GRIA1: variants seen among roughly 807,000 people sequenced by gnomAD.
GRIA1 encodes glutamate ionotropic receptor AMPA type subunit 1.
GRIA1 carries 31 observed loss-of-function variants against 99.2 expected under a neutral mutation model. The observed-to-expected ratio is 0.31, with a 90% CI of 0.23 to 0.42. The LOEUF (loss-of-function observed/expected upper bound fraction) is 0.42, where lower values mean the gene tolerates loss of function less well. GRIA1 is among the 10% of genes least tolerant of loss of function. The pLI is 1.00. For synonymous variants in GRIA1, 438 were observed against 432.4 expected (o/e 1.01, Z -0.16); for missense variants, 782 against 1,157.5 (o/e 0.68, Z 4.71).
At chr5:153,577,886 C>T (rs1581257179) in intron 2 of GRIA1, among the ~76,000 whole-genome samples, 2 of 151,906 alleles carry the variant, frequency 1.3e-5, no homozygotes, top group African/African-American at 4.8e-5. Flanking sequence ...CACAGTGGCT[C>T]GCGCCTGTAA....
chr5:153,678,268 G>A (rs1756733193), intron 7 of GRIA1, among the ~76,000 whole-genome samples: 2 of 152,194 alleles, frequency 1.3e-5, no homozygotes, highest in Non-Finnish European at 2.9e-5. Context: ...AACCACACGT[G>A]CACAGCTCTA....
At position 153,547,960 on chromosome 5, in the gene GRIA1, G is replaced by A. The variant is rs571062418; in HGVS notation, c.220+53895G>A. ...ACTAAAGCCCCTTTAAAATATAAAC[G>A]TCCTAGATTTTTGACATACCCCATG... On this transcript the variant is annotated intron_variant, in intron 2 of 15. Coordinates refer to ENST00000285900, the MANE Select transcript of GRIA1 (RefSeq NM_000827.4). Among the ~76,000 whole-genome samples the A allele has an allele frequency of 1.2e-4, 19 of 152,182 alleles. No homozygotes were observed. The South Asian group carries it at 3.7e-3, about 30-fold the overall frequency.
intron 2 of GRIA1, among the ~76,000 whole-genome samples, chr5:153,634,328 AAGAAAAAAAAAAG>A (rs957231778): frequency 1.7e-5 from 2 of 116,192 alleles, no homozygotes; most frequent in African/African-American, 5.3e-5. Context: ...AAAAAAAAAA[AAGAAAAAAAAAAG>A]AGTAGGATGA....
At chr5:153,502,058 T>G (rs1190398454) in intron 2 of GRIA1, among the ~76,000 whole-genome samples, 1 of 152,356 alleles carries the variant, frequency 6.6e-6, no homozygotes, top group Non-Finnish European at 1.5e-5. Flanking sequence ...GTCCTTCTGG[T>G]CAGCCCTAGC....
chr5:153,717,412 G>A (rs560864486), intron 11 of GRIA1, among the ~76,000 whole-genome samples: 7 of 152,228 alleles, frequency 4.6e-5, no homozygotes, highest in East Asian at 3.9e-4. Context: ...AGGGAGACAC[G>A]TAAGGGAGGG....
rs199638331 is a variant in GRIA1 at position 153,732,939 on chromosome 5, TC to T, written c.1823+26873del. Among the ~76,000 whole-genome samples the T allele has an allele frequency of 6.1e-3, 901 of 147,676 alleles. 25 individuals carry two copies. The highest frequency in any genetic ancestry group is 0.015 in the African/African-American group (592 of 40,530). ...GAGTTAAATTTCTTTTTTTTTTTTT[TC>T]TTTGCATGTGGACATCTAGTTTTTC... On this transcript the variant is annotated intron_variant, in intron 11 of 15. Transcript: ENST00000285900.
chr5:153,603,811 GTC>G (rs1765215629), intron 2 of GRIA1, among the ~76,000 whole-genome samples: 2 of 152,116 alleles, frequency 1.3e-5, no homozygotes. Flanking sequence ...GACCTAATTT[GTC>G]CAGCCTCAAC....
intron 5 of GRIA1, among the ~76,000 whole-genome samples, chr5:153,666,217 A>T (rs1364724553): frequency 6.6e-6 from 1 of 152,158 alleles, no homozygotes; most frequent in East Asian, 1.9e-4. Context: ...ATTCCTCCAC[A>T]TGTATTGAGC....
intron 14 of GRIA1, among the ~76,000 whole-genome samples, chr5:153,796,002 T>A (rs576539141): frequency 1.5e-5 from 2 of 136,506 alleles, no homozygotes; most frequent in South Asian, 4.9e-4. Context: ...CTGAACTCTT[T>A]TTTTTTTTAA....
intron 2 of GRIA1, among the ~76,000 whole-genome samples, chr5:153,512,150 A>C (rs1756152199): frequency 6.6e-6 from 1 of 152,228 alleles, no homozygotes; most frequent in Non-Finnish European, 1.5e-5. Flanking sequence ...TGACAAGATA[A>C]GAGGAGGAAA....
chr5:153,782,071 T>G (rs1310533470), intron 13 of GRIA1, among the ~76,000 whole-genome samples: 2 of 152,204 alleles, frequency 1.3e-5, no homozygotes, highest in Non-Finnish European at 2.9e-5. Context: ...TGGTAAATAA[T>G]AATTATAGTT....
chr5:153,570,765 A>T (rs1160119922), intron 2 of GRIA1, among the ~76,000 whole-genome samples: 1 of 152,214 alleles, frequency 6.6e-6, no homozygotes, highest in Non-Finnish European at 1.5e-5. Flanking sequence ...AAATGAGAGG[A>T]TAAATTTAAA....
At chr5:153,588,827 T>C (rs1467128703) in intron 2 of GRIA1, among the ~76,000 whole-genome samples, 1 of 152,180 alleles carries the variant, frequency 6.6e-6, no homozygotes, top group Non-Finnish European at 1.5e-5. Flanking sequence ...ACAACTTCTT[T>C]CGCATCTATC....
At chr5:153,803,843 C>G (rs1766221304) in intron 15 of GRIA1, among the ~76,000 whole-genome samples, 2 of 152,190 alleles carry the variant, frequency 1.3e-5, no homozygotes, top group Non-Finnish European at 2.9e-5. Flanking sequence ...GCCTTGGACC[C>G]TCAATCCTAC....
intron 2 of GRIA1, among the ~76,000 whole-genome samples, chr5:153,586,750 C>G (rs889168805): frequency 6.6e-6 from 1 of 152,182 alleles, no homozygotes; most frequent in East Asian, 1.9e-4. Context: ...AAGTTGCTTC[C>G]CACCTGGAAA....
chr5:153,658,879 T>A (rs1156706358), intron 5 of GRIA1, among the ~76,000 whole-genome samples: 1 of 152,152 alleles, frequency 6.6e-6, no homozygotes, highest in African/African-American at 2.4e-5. Context: ...CTTCTGGGGT[T>A]CAAATAGCCA....
chr5:153,600,260 C>T (rs551279617), intron 2 of GRIA1, among the ~76,000 whole-genome samples: 23 of 151,638 alleles, frequency 1.5e-4, no homozygotes, highest in Admixed American at 2.6e-4. Context: ...GGCGTGGTGG[C>T]GGGCGCCTGT....
At position 153,493,908 on chromosome 5, in the gene GRIA1, T is replaced by G; in HGVS notation, c.83-20T>G. The G allele has an allele frequency of 6.2e-7, 1 of 1,613,640 alleles. No homozygotes were observed. The highest frequency in any genetic ancestry group is 8.5e-7 in the Non-Finnish European group (1 of 1,179,674). ...CCTGTCTCTAGCCCATATACCATGT[T>G]GCATTTTCTTTTCTCATAGGGGGAT... On this transcript the variant is annotated intron_variant, in intron 1 of 15. Coordinates refer to ENST00000285900, the MANE Select transcript of GRIA1 (RefSeq NM_000827.4).
intron 11 of GRIA1, among the ~76,000 whole-genome samples, chr5:153,732,182 A>T (rs1761083272): frequency 6.6e-6 from 1 of 152,188 alleles, no homozygotes; most frequent in Non-Finnish European, 1.5e-5. Context: ...TGCTACAATG[A>T]ACATGACAGT....
Sources: gnomAD v4.1 joint callset for allele counts (sites outside exome capture counted in the v4.1 genomes callset) on GRCh38, gnomAD v4.1.1 for gene constraint, MANE v1.5 for transcripts, NCBI Gene and HGNC (gene_info 2026-07-23, HGNC 2026-07-21) for gene names.